The following KLHDC7B variants were observed in gnomAD, a reference collection of about 807,000 sequenced individuals.
KLHDC7B encodes kelch domain containing 7B.
A neutral mutation model predicts 0.6 loss-of-function variants in KLHDC7B; 1 was observed. The ratio of observed to expected loss-of-function variants is 1.71; its 90% CI spans 0.61 to 8.11. The LOEUF (loss-of-function observed/expected upper bound fraction) is 8.11. KLHDC7B is among the 30% of genes most tolerant of loss of function. KLHDC7B has a pLI of 0.13. For missense variants in KLHDC7B, 993 were observed against 894.9 expected (o/e 1.11, Z -1.40); for synonymous variants, 462 against 405.2 (o/e 1.14, Z -1.68).
chr22:50,546,433 G>A lies in KLHDC7B; in HGVS notation c.190G>A (p.Ala64Thr). Residue 64 changes from alanine (A) to threonine (T), a missense_variant, in exon 1 of 1, where the codon GCT (alanine) becomes ACT (threonine). Coordinates refer to ENST00000648057, the MANE Select transcript of KLHDC7B (RefSeq NM_138433.5). ...AGAACCGGTGTCCACAGCCCTCGGG[G>A]CTCAACCTCATCAGGCAGGAGGAGC... ...AAEPVSTALG[A>T]QPHQAGGAEL... 2.5e-6 allele frequency: 1 copy of A among 399,394 alleles called. No individual in the cohort carries two copies. The highest frequency in any genetic ancestry group is 4.4e-6 in the Non-Finnish European group (1 of 226,372). 24.7% of individuals were successfully genotyped at this position (399,394 alleles called of 1,614,324 possible).
chr22:50,549,979 C>G lies in KLHDC7B; in HGVS notation c.*28C>G, dbSNP rs574396299. 66 of 1,502,762 alleles carry G rather than the reference C, an allele frequency of 4.4e-5. No homozygotes were observed. In the South Asian group the frequency reaches 8.3e-4, roughly 19 times the overall value. The allele number at this position is 1,502,762 out of a possible 1,614,324, so 93.1% of individuals were successfully genotyped here. A position where few individuals can be genotyped will look rare whatever the true frequency, so the allele number is the denominator to read the frequency against. ...GGCAGGCAGAGAACCAAAGCTGCTT[C>G]GCTGCTCTCCAGGGAGACCCTCCTG... On this transcript the variant is annotated 3_prime_UTR_variant, in exon 1 of 1. Transcript: ENST00000648057.
At position 50,548,358 on chromosome 22, in the gene KLHDC7B, G is replaced by A; in HGVS notation, c.2115G>A (p.Gln705=). The A allele has an allele frequency of 6.4e-7, 1 of 1,551,168 alleles. No individual in the cohort carries two copies. Among genetic ancestry groups the A allele is most frequent in the Non-Finnish European group, 8.7e-7 (1 of 1,147,084 alleles). ...TGGTTGAGGCTGGAGGTCAGCCACA[G>A]CCAAGAAGCTCCGAGACCAACGGAT... ...GGLVEAGGQP[Q]PRSSETNGSP... is the part of the protein sequence containing the mutation. Residue 705 remains glutamine (Q), a synonymous_variant, in exon 1 of 1, where the codon CAG becomes CAA. Coordinates refer to ENST00000648057, the MANE Select transcript of KLHDC7B (RefSeq NM_138433.5). This position sits in a 1 kb window ranked among gnomAD's most constrained non-coding sequence, Gnocchi z 5.3.
chr22:50,547,348 G>A lies in KLHDC7B; in HGVS notation c.1105G>A (p.Ala369Thr), dbSNP rs1403999440. Residue 369 changes from alanine to threonine, a missense_variant, in exon 1 of 1, where the codon GCC becomes ACC. Transcript: ENST00000648057. ...LSSQGPGATG[A>T]YDAGEAGADS... is the part of the protein sequence containing the mutation. ...GTCCCAAGGGCCGGGTGCCACAGGG[G>A]CCTACGATGCCGGCGAGGCCGGGGC... 1.3e-5 allele frequency among the ~76,000 whole-genome samples: 2 copies of A among 151,814 alleles called. No individual in the cohort carries two copies. The highest frequency in any genetic ancestry group is 2.4e-5 in the African/African-American group (1 of 41,334).
rs1045527472 is a variant in KLHDC7B, at chr22:50,550,020, G to T, written c.*69G>T. 2.1e-5 allele frequency: 29 copies of T among 1,413,162 alleles called. No individual in the cohort carries two copies. Among genetic ancestry groups the T allele is most frequent in the Non-Finnish European group, 2.3e-5 (25 of 1,066,956 alleles). 87.5% of individuals were successfully genotyped at this position (1,413,162 alleles called of 1,614,324 possible). On this transcript the variant is annotated 3_prime_UTR_variant, in exon 1 of 1. Coordinates refer to ENST00000648057, the MANE Select transcript of KLHDC7B (RefSeq NM_138433.5). ...GACCCTCCTGGGATGGGCCTGAGAG[G>T]CCGGGGCTCAGGGAAGGGGCTGGGA...
rs897089102 is a variant in KLHDC7B at position 50,546,404 on chromosome 22, C to T, written c.161C>T (p.Ala54Val). The T allele has an allele frequency of 1.5e-5, 6 of 399,202 alleles. No individual in the cohort carries two copies. The highest frequency in any genetic ancestry group is 2.1e-5 in the African/African-American group (1 of 48,630). 24.7% of individuals were successfully genotyped at this position (399,202 alleles called of 1,614,324 possible). The change falls in exon 1 of 1, where the codon GCG (alanine) becomes GTG (valine). Residue 54 changes from alanine to valine, a missense_variant. By Grantham distance (64) the Ala-to-Val change is moderately conservative. Coordinates refer to ENST00000648057, the MANE Select transcript of KLHDC7B (RefSeq NM_138433.5). ...TTTGGCTCCGGGCACGATCAAGAGGCGGCAGAACCGGTGTCCACAGCCCTC... is the reference window on the plus strand; with the variant it reads ...TTTGGCTCCGGGCACGATCAAGAGGTGGCAGAACCGGTGTCCACAGCCCTC... ...HWFGSGHDQE[A>V]AEPVSTALGA...
At position 50,546,710 on chromosome 22, in the gene KLHDC7B, C is replaced by T. The variant is rs1233000949; in HGVS notation, c.467C>T (p.Pro156Leu). Residue 156 changes from proline (P) to leucine (L), a missense_variant, in exon 1 of 1, where the codon CCC becomes CTC. By Grantham distance (98) the Pro-to-Leu change is moderately conservative. Transcript: ENST00000648057. ...CCCCGAGCGGAAGGAAAGGAGCCTC[C>T]CAGGCCAGGCACTGCCCTCCTGGGC... ...AAPRAEGKEP[P>L]RPGTALLGRS... Among the ~76,000 whole-genome samples, 2 of 152,036 alleles carry T rather than the reference C, an allele frequency of 1.3e-5. No homozygotes were observed. Among genetic ancestry groups the T allele is most frequent in the Admixed American group, 1.3e-4 (2 of 15,278 alleles).
Position 50,549,210 on chromosome 22 carries a change from T to A in KLHDC7B, c.2967T>A (p.Gly989=). The A allele has an allele frequency of 1.2e-6, 2 of 1,607,584 alleles. No homozygotes were observed. Among genetic ancestry groups the A allele is most frequent in the Non-Finnish European group, 1.7e-6 (2 of 1,179,868 alleles). The change falls in exon 1 of 1, where the codon GGT becomes GGA. Residue 989 remains glycine (G), a synonymous_variant. Coordinates refer to ENST00000648057, the MANE Select transcript of KLHDC7B (RefSeq NM_138433.5). ...VPEEAPLRGC[G]LCTMHNYLFL... The stretch of plus-strand genomic sequence containing the variant: ...AGGAGGCCCCGCTTCGGGGCTGCGG[T>A]CTCTGCACCATGCACAACTACCTGT...
At position 50,550,187 on chromosome 22, in the gene KLHDC7B, A is replaced by C; in HGVS notation, c.*236A>C. ...TGTTTCCTGACTCAATTCCGTACCT[A>C]CTTACAGACCCTCTCAGCTTGCTGA... On this transcript the variant is annotated 3_prime_UTR_variant, in exon 1 of 1. Coordinates refer to ENST00000648057, the MANE Select transcript of KLHDC7B (RefSeq NM_138433.5). 1 of 482,976 alleles carries C rather than the reference A, an allele frequency of 2.1e-6. No homozygotes were observed. The highest frequency in any genetic ancestry group is 3.7e-6 in the Non-Finnish European group (1 of 266,732). 29.9% of individuals were successfully genotyped at this position (482,976 alleles called of 1,614,324 possible). A position where few individuals can be genotyped will look rare whatever the true frequency, so the allele number is the denominator to read the frequency against.
chr22:50,549,551 G>A lies in KLHDC7B; in HGVS notation c.3308G>A (p.Arg1103His), dbSNP rs758694348. The A allele has an allele frequency of 8.1e-6, 13 of 1,598,650 alleles. No individual in the cohort carries two copies. The highest frequency in any genetic ancestry group is 6.7e-5 in the Admixed American group (4 of 59,308). Residue 1103 changes from arginine to histidine, a missense_variant, in exon 1 of 1, where the codon CGC becomes CAC. Transcript: ENST00000648057. The part of the protein sequence containing the change: ...IYVTGGHLFY[R>H]LLRYSPVKDA... ...GTCACCGGGGGTCACCTCTTCTACC[G>A]CCTGCTCAGGTACAGCCCCGTGAAG...
In KLHDC7B at chr22:50,547,416, C is replaced by A. The variant is rs1222471340; in HGVS notation, c.1173C>A (p.Pro391=). ...RDNSPAADLG[P]TRPPEQAKPA... is the part of the protein sequence containing the mutation. Reference sequence around the variant, plus strand: ...ACAGTCCTGCCGCTGACCTGGGGCCCACCCGGCCCCCGGAGCAAGCAAAGC... The same window carrying A: ...ACAGTCCTGCCGCTGACCTGGGGCCAACCCGGCCCCCGGAGCAAGCAAAGC... Residue 391 remains proline (P), a synonymous_variant, in exon 1 of 1, where the codon CCC becomes CCA. Coordinates refer to ENST00000648057, the MANE Select transcript of KLHDC7B (RefSeq NM_138433.5). Among the ~76,000 whole-genome samples the A allele has an allele frequency of 6.6e-6, 1 of 151,896 alleles. No homozygotes were observed. The highest frequency in any genetic ancestry group is 6.5e-5 in the Admixed American group (1 of 15,276).
At position 50,546,926 on chromosome 22, in the gene KLHDC7B, G is replaced by A. The variant is rs979691027; in HGVS notation, c.683G>A (p.Arg228Gln). Residue 228 changes from arginine (R) to glutamine (Q), a missense_variant, in exon 1 of 1, where the codon CGG becomes CAG. Physicochemically the swap from Arg to Gln is conservative, Grantham distance 43. Coordinates refer to ENST00000648057, the MANE Select transcript of KLHDC7B (RefSeq NM_138433.5). The part of the protein sequence containing the change: ...AGPSGSMGRG[R>Q]GRRRRMDAGS... ...CCCTCGGGCTCGATGGGGAGAGGCC[G>A]GGGCCGGCGGCGGCGGATGGACGCT... 2.6e-5 allele frequency among the ~76,000 whole-genome samples: 4 copies of A among 151,926 alleles called. No homozygotes were observed. The highest frequency in any genetic ancestry group is 5.9e-5 in the Non-Finnish European group (4 of 67,934).
chr22:50,547,765 C>T lies in KLHDC7B; in HGVS notation c.1522C>T (p.Pro508Ser). The part of the protein sequence containing the change: ...STSSPTSAPA[P>S]APTSAPTSTP... ...CTCATCCCCCACCTCAGCCCCAGCC[C>T]CAGCTCCAACCTCAGCTCCAACTTC... Residue 508 changes from proline (P) to serine (S), a missense_variant, in exon 1 of 1, where the codon CCA becomes TCA. Pro to Ser is a moderately conservative substitution (Grantham distance 74). Transcript: ENST00000648057. The T allele has an allele frequency of 2.0e-6, 1 of 509,814 alleles. No individual in the cohort carries two copies. Among genetic ancestry groups the T allele is most frequent in the Non-Finnish European group, 3.5e-6 (1 of 289,362 alleles). The allele number at this position is 509,814 out of a possible 1,614,324, so 31.6% of individuals were successfully genotyped here.
rs372856631 is a variant in KLHDC7B at position 50,548,943 on chromosome 22, C to G, written c.2700C>G (p.Leu900=). The part of the protein sequence containing the change: ...NLLRVLGDPC[L]YRRLSAADRE... ...TGCGAGTGCTGGGAGACCCGTGCCT[C>G]TACCGCCGGCTGAGCGCGGCCGACC... Residue 900 remains leucine, a synonymous_variant, in exon 1 of 1, where the codon CTC becomes CTG. Coordinates refer to ENST00000648057, the MANE Select transcript of KLHDC7B (RefSeq NM_138433.5). The surrounding 1 kb of genome is among the most constrained non-coding windows in gnomAD (Gnocchi z 5.3). 1.9e-6 allele frequency: 3 copies of G among 1,597,470 alleles called. No homozygotes were observed. The African/African-American group carries it at 4.0e-5, about 21-fold the overall frequency.
chr22:50,549,672 G>A lies in KLHDC7B; in HGVS notation c.3429G>A (p.Arg1143=), dbSNP rs1169125290. ...TCCTGTACCGCTTCGACCTGCTGCG[G>A]GGCGTGGGCGCCGCCGTGATGCGCT... ...GGFLYRFDLL[R]GVGAAVMRYN... is the part of the protein sequence containing the mutation. The change falls in exon 1 of 1, where the codon CGG becomes CGA. Residue 1143 remains arginine, a synonymous_variant. Coordinates refer to ENST00000648057, the MANE Select transcript of KLHDC7B (RefSeq NM_138433.5). 6.4e-7 allele frequency: 1 copy of A among 1,554,470 alleles called. No homozygotes were observed. Among genetic ancestry groups the A allele is most frequent in the Non-Finnish European group, 8.7e-7 (1 of 1,149,372 alleles).
At position 50,549,450 on chromosome 22, in the gene KLHDC7B, G is replaced by A. The variant is rs1189444100; in HGVS notation, c.1284G>A (p.Trp428Ter). 1 of 1,612,534 alleles carries A rather than the reference G, an allele frequency of 6.2e-7. No individual in the cohort carries two copies. Among genetic ancestry groups the A allele is most frequent in the Non-Finnish European group, 8.5e-7 (1 of 1,179,912 alleles). Residue 428 changes from tryptophan (W) to a stop codon, truncating the protein, a stop_gained, in exon 1 of 1, where the codon TGG (tryptophan) becomes TGA (stop). Coordinates refer to the KLHDC7B transcript ENST00000395676. LOFTEE classifies it low-confidence loss of function (END_TRUNC). ...GCTACGACCCGCGAACAGACGCCTG[G>A]ACCCCACGCGCGCCACTCCCCGCAG...
Position 50,547,087 on chromosome 22 carries a change from C to G in KLHDC7B, c.844C>G (p.Leu282Val), listed in dbSNP as rs1432164367. Among the ~76,000 whole-genome samples, 1 of 151,686 alleles carries G rather than the reference C, an allele frequency of 6.6e-6. No homozygotes were observed. The highest frequency in any genetic ancestry group is 1.5e-5 in the Non-Finnish European group (1 of 67,848). ...HARGLPTGPPLAQEPALPALP... is the reference protein window; with the variant it reads ...HARGLPTGPPVAQEPALPALP... ...GCGCGGCCTCCCCACAGGACCCCCACTCGCCCAGGAGCCCGCACTCCCGGC... is the reference window on the plus strand; with the variant it reads ...GCGCGGCCTCCCCACAGGACCCCCAGTCGCCCAGGAGCCCGCACTCCCGGC... Residue 282 changes from leucine to valine, a missense_variant, in exon 1 of 1, where the codon CTC (leucine) becomes GTC (valine). Physicochemically the swap from Leu to Val is conservative, Grantham distance 32. Transcript: ENST00000648057.
In KLHDC7B at chr22:50,550,321, T is replaced by C. The variant is rs1481084976; in HGVS notation, c.*370T>C. On this transcript the variant is annotated 3_prime_UTR_variant, in exon 1 of 1. Transcript: ENST00000648057. ...TCTGCTGAGCCGAGAGAGGAGGGGG[T>C]AGAAAACATTCACACTTCCTATGCT... 9.7e-5 allele frequency: 24 copies of C among 248,456 alleles called. No homozygotes were observed. The allele number at this position is 248,456 out of a possible 1,614,324, so 15.4% of individuals were successfully genotyped here.
chr22:50,549,653 AC>A lies in KLHDC7B; in HGVS notation c.1489del (p.Arg497AlafsTer12), dbSNP rs1183636217. ...ATCGTGGCACTGGGGGGCTTCCTGT[AC>A]CGCTTCGACCTGCTGCGGGGCGTGG... On this transcript the variant is annotated frameshift_variant, in exon 1 of 1. Transcript: ENST00000395676. LOFTEE classifies it low-confidence loss of function (END_TRUNC). 1 of 1,555,948 alleles carries A rather than the reference AC, an allele frequency of 6.4e-7. No individual in the cohort carries two copies. Among genetic ancestry groups the A allele is most frequent in the Non-Finnish European group, 8.7e-7 (1 of 1,148,634 alleles).
In KLHDC7B at chr22:50,550,882, A is replaced by AACCC. The variant is rs905586300; in HGVS notation, c.*933_*936dup. Reference sequence around the variant, plus strand: ...CGTTTTCTCCCCTTACGCACTTTGAAACCCATGCTAGAAAAGTGAATACAT... The same window carrying AACCC: ...CGTTTTCTCCCCTTACGCACTTTGAAACCCACCCATGCTAGAAAAGTGAATACAT... On this transcript the variant is annotated 3_prime_UTR_variant, in exon 1 of 1. Coordinates refer to ENST00000648057, the MANE Select transcript of KLHDC7B (RefSeq NM_138433.5). The AACCC allele has an allele frequency of 2.2e-5, 5 of 228,734 alleles. No homozygotes were observed. Among genetic ancestry groups the AACCC allele is most frequent in the Non-Finnish European group, 3.9e-5 (4 of 103,344 alleles). The allele number at this position is 228,734 out of a possible 1,614,324, so 14.2% of individuals were successfully genotyped here. A position where few individuals can be genotyped will look rare whatever the true frequency, so the allele number is the denominator to read the frequency against.
Sources: gnomAD v4.1 joint callset for allele counts (sites outside exome capture counted in the v4.1 genomes callset) on GRCh38, gnomAD v4.1.1 for gene constraint, Gnocchi (gnomAD v3.1) non-coding constraint, MANE v1.5 for transcripts, NCBI Gene and HGNC (gene_info 2026-07-23, HGNC 2026-07-21) for gene names.